The following AFF2 variants were observed in gnomAD, a reference collection of about 807,000 sequenced individuals.
AFF2 encodes AF4/FMR2 family member 2.
In AFF2, 14 loss-of-function variants were observed where a neutral mutation model predicts 76.9. The observed-to-expected ratio is 0.18, with a 90% CI of 0.12 to 0.28. The LOEUF is 0.28. AFF2 is among the 10% of genes least tolerant of loss of function. The probability of loss-of-function intolerance (pLI) is 1.00; values close to 1 mark genes in which losing one functional copy is unlikely to be tolerated. For missense variants in AFF2, 868 were observed against 1,001.1 expected (o/e 0.87, Z 1.79); for synonymous variants, 398 against 366.7 (o/e 1.09, Z -0.98).
intron 1 of AFF2, among the ~76,000 whole-genome samples, chrX:148,633,084 T>C (rs2053995622): frequency 1.8e-5 from 2 of 112,077 alleles, no homozygotes; most frequent in Admixed American, 1.9e-4. Context: ...TAGTATAGAA[T>C]GCAACTGGAT....
intron 3 of AFF2, among the ~76,000 whole-genome samples, chrX:148,735,022 G>A (rs972877619): frequency 2.7e-5 from 3 of 111,847 alleles, no homozygotes; most frequent in East Asian, 2.8e-4. Context: ...AAATTAGGTC[G>A]CCCAGACTTA....
At chrX:148,533,391 C>G (rs1164701779) in intron 1 of AFF2, among the ~76,000 whole-genome samples, 1 of 109,833 alleles carries the variant, frequency 9.1e-6, no homozygotes, top group East Asian at 2.8e-4. Context: ...CTCCCGGGTT[C>G]ACGACATTCT....
intron 3 of AFF2, among the ~76,000 whole-genome samples, chrX:148,692,656 T>C (rs2054665770): frequency 8.9e-6 from 1 of 112,108 alleles, no homozygotes; most frequent in South Asian, 3.7e-4. Flanking sequence ...CATATAATTA[T>C]ATATAAGCAT....
At chrX:148,831,621 C>T (rs2070455237) in intron 4 of AFF2, among the ~76,000 whole-genome samples, 2 of 111,887 alleles carry the variant, frequency 1.8e-5, no homozygotes, top group South Asian at 7.5e-4. Flanking sequence ...GCTTTGCTCT[C>T]CTATCAGGGA....
rs1401483514 is a variant in AFF2 at position 148,998,206 on chromosome X, G to C, written c.*6874G>C. On this transcript the variant is annotated 3_prime_UTR_variant, in exon 21 of 21. Transcript: ENST00000370460. ...TTTGGATCCTGCAAAGAAGAGATTG[G>C]TTTATTTTCTTTTCTGGTGGTGGTA... is the stretch of plus-strand genomic sequence containing the variant. The C allele has an allele frequency of 9.0e-6, 1 of 111,374 alleles. No individual in the cohort carries two copies. Among genetic ancestry groups the C allele is most frequent in the East Asian group, 2.8e-4 (1 of 3,520 alleles). 9.2% of individuals were successfully genotyped at this position (111,374 alleles called of 1,213,427 possible).
At position 148,810,398 on chromosome X, in the gene AFF2, A is replaced by G. The variant is rs970960846; in HGVS notation, c.1086+478A>G. Among the ~76,000 whole-genome samples, 5 of 112,544 alleles carry G rather than the reference A, an allele frequency of 4.4e-5. No individual in the cohort carries two copies. In the South Asian group the frequency reaches 1.5e-3, roughly 33 times the overall value. The stretch of plus-strand genomic sequence containing the variant: ...TGGCATGTTGTGGAAAGTGTTACTT[A>G]TGGAAGTGAGTGTATGTGTGTGAAT... On this transcript the variant is annotated intron_variant, in intron 4 of 20. Coordinates refer to ENST00000370460, the MANE Select transcript of AFF2 (RefSeq NM_002025.4).
Position 148,962,865 on chromosome X carries a change from A to G in AFF2, c.2841A>G (p.Gly947=). The change falls in exon 13 of 21, where the codon GGA becomes GGG. Residue 947 remains glycine (G), a synonymous_variant. Transcript: ENST00000370460. Reference sequence around the variant, plus strand: ...AAGACAAAAACATCGCCATGACTGGACAAATCACATCTACCAAACCTAAGA... The same window carrying G: ...AAGACAAAAACATCGCCATGACTGGGCAAATCACATCTACCAAACCTAAGA... ...FGQDKNIAMT[G]QITSTKPKRT... The G allele has an allele frequency of 8.3e-7, 1 of 1,210,802 alleles. No individual in the cohort carries two copies. The highest frequency in any genetic ancestry group is 1.8e-5 in the South Asian group (1 of 56,952).
At chrX:148,688,496 A>G (rs1557260510) in intron 3 of AFF2, among the ~76,000 whole-genome samples, 2 of 110,852 alleles carry the variant, frequency 1.8e-5, no homozygotes, top group African/African-American at 6.6e-5. Context: ...TTCTATTTTG[A>G]TTGCCTGTTT....
intron 3 of AFF2, among the ~76,000 whole-genome samples, chrX:148,713,255 C>A (rs1169593656): frequency 9.0e-6 from 1 of 111,328 alleles, no homozygotes; most frequent in East Asian, 2.8e-4. Context: ...ATCTTGCAGA[C>A]CATTTATAAG....
intron 7 of AFF2, among the ~76,000 whole-genome samples, chrX:148,847,668 G>A (rs1424350278): frequency 1.8e-5 from 2 of 111,865 alleles, no homozygotes; most frequent in Non-Finnish European, 3.8e-5. Flanking sequence ...GAGTTTACAT[G>A]TGGGTGGTTG....
intron 3 of AFF2, among the ~76,000 whole-genome samples, chrX:148,774,429 A>G (rs2069642665): frequency 9.0e-6 from 1 of 111,329 alleles, no homozygotes; most frequent in Non-Finnish European, 1.9e-5. Flanking sequence ...CTAACACCCT[A>G]TAGATTCATA....
chrX:148,923,956 A>G (rs16994827), intron 9 of AFF2, among the ~76,000 whole-genome samples: 5,360 of 111,706 alleles, frequency 0.048, 318 homozygotes, highest in African/African-American at 0.17. Flanking sequence ...GGAGCTGTTT[A>G]TCTTTTGTGA....
At chrX:148,854,594 A>G (rs984568540) in intron 7 of AFF2, among the ~76,000 whole-genome samples, 9 of 111,553 alleles carry the variant, frequency 8.1e-5, no homozygotes, top group Non-Finnish European at 1.1e-4. Flanking sequence ...TGGGGAATGC[A>G]GAGCAGCCGC....
intron 3 of AFF2, among the ~76,000 whole-genome samples, chrX:148,736,555 C>G (rs1362353708): frequency 2.7e-5 from 3 of 111,091 alleles, no homozygotes; most frequent in Non-Finnish European, 5.7e-5. Flanking sequence ...TTTTCTCCCA[C>G]TCTGTGGGTT....
rs1319599817 is a variant in AFF2, at chrX:148,779,847, G to A, written c.1042-30029G>A. Among the ~76,000 whole-genome samples the A allele has an allele frequency of 2.7e-5, 3 of 112,031 alleles. No individual in the cohort carries two copies. In the East Asian group the frequency reaches 8.4e-4, roughly 31 times the overall value. On this transcript the variant is annotated intron_variant, in intron 3 of 20. Transcript: ENST00000370460. ...GTGCAGTTTCTTCATAGTGTTGATG[G>A]TCTTTACATTTTGGTTTGTTTTTGC...
At position 148,994,938 on chromosome X, in the gene AFF2, C is replaced by G. The variant is rs781989585; in HGVS notation, c.*3606C>G. 2 of 112,106 alleles carry G rather than the reference C, an allele frequency of 1.8e-5. No individual in the cohort carries two copies. Among genetic ancestry groups the G allele is most frequent in the African/African-American group, 6.5e-5 (2 of 30,784 alleles). The allele number at this position is 112,106 out of a possible 1,213,427, so 9.2% of individuals were successfully genotyped here. On this transcript the variant is annotated 3_prime_UTR_variant, in exon 21 of 21. Transcript: ENST00000370460. Reference sequence around the variant, plus strand: ...AACCAAACTGGATCACTGGGTAAGACTACTCAGTAAAGCAATGAACTGCTT... The same window carrying G: ...AACCAAACTGGATCACTGGGTAAGAGTACTCAGTAAAGCAATGAACTGCTT...
intron 1 of AFF2, among the ~76,000 whole-genome samples, chrX:148,510,633 A>G (rs111701317): frequency 0.027 from 3,033 of 112,049 alleles, 102 homozygotes; most frequent in African/African-American, 0.094. Flanking sequence ...AACAAGAGAC[A>G]CACAAGTCTG....
chrX:148,836,336 G>A (rs2070524947), intron 4 of AFF2, among the ~76,000 whole-genome samples: 1 of 111,959 alleles, frequency 8.9e-6, no homozygotes, highest in East Asian at 2.8e-4. Context: ...GAATGAATCT[G>A]TGAAGTATCT....
chrX:148,538,884 C>T (rs1448631170), intron 1 of AFF2, among the ~76,000 whole-genome samples: 1 of 111,387 alleles, frequency 9.0e-6, no homozygotes, highest in Non-Finnish European at 1.9e-5. Context: ...TTATACTACA[C>T]TGTTTCTCTT....
Sources: gnomAD v4.1 joint callset for allele counts (sites outside exome capture counted in the v4.1 genomes callset) on GRCh38, gnomAD v4.1.1 for gene constraint, MANE v1.5 for transcripts, NCBI Gene and HGNC (gene_info 2026-07-23, HGNC 2026-07-21) for gene names.